Variants in PPT2 observed in about 807,000 individuals in gnomAD.
PPT2 encodes the protein lysosomal thioesterase PPT2.
PPT2 carries 20 observed loss-of-function variants against 37.3 expected under a neutral mutation model. The observed-to-expected ratio is 0.54, with a 90% confidence interval of 0.38 to 0.78. The LOEUF (loss-of-function observed/expected upper bound fraction) is 0.78. Ranked by LOEUF, PPT2 falls within the 30% of genes least tolerant of loss-of-function variation. The pLI is 0.00. For missense variants in PPT2, 270 were observed against 389.8 expected (o/e 0.69, Z 2.59); for synonymous variants, 135 against 159.1 (o/e 0.85, Z 1.14).
rs1783738344 is a variant in PPT2, at chr6:32,155,632, G to C, written c.338-56G>C. On this transcript the variant is annotated intron_variant, in intron 3 of 8. Transcript: ENST00000324816. The surrounding 1 kb of genome is among the most constrained non-coding windows in gnomAD (Gnocchi z 4.3). ...TGTGTGTGTGTGGTGGGGGTGGGGG[G>C]TGCTGCTGGCTTTGCTGTCCTTAAG... 2 of 1,286,632 alleles carry C rather than the reference G, an allele frequency of 1.6e-6. No homozygotes were observed. Among genetic ancestry groups the C allele is most frequent in the South Asian group, 2.4e-5 (2 of 84,378 alleles). The allele number at this position is 1,286,632 out of a possible 1,614,324, so 79.7% of individuals were successfully genotyped here.
rs1418990745 is a variant in PPT2, at chr6:32,162,429, A to C, written c.711-139A>C. The stretch of plus-strand genomic sequence containing the variant: ...GAGATGGGGTTTCACCATTTTGGTC[A>C]GGCTGGTCTTGAACTCCTGGCCTCA... On this transcript the variant is annotated intron_variant, in intron 7 of 8. Transcript: ENST00000324816. The surrounding 1 kb of genome is among the most constrained non-coding windows in gnomAD (Gnocchi z 5.5). The C allele has an allele frequency of 1.4e-5, 11 of 807,346 alleles. No individual in the cohort carries two copies. Among genetic ancestry groups the C allele is most frequent in the Non-Finnish European group, 2.3e-5 (11 of 485,958 alleles). The allele number at this position is 807,346 out of a possible 1,614,324, so 50.0% of individuals were successfully genotyped here.
At position 32,162,641 on chromosome 6, in the gene PPT2, C is replaced by T; in HGVS notation, c.765+19C>T. The stretch of plus-strand genomic sequence containing the variant: ...GCAACTGGTGAGCCCCCTGGGATTA[C>T]TTCCCCTTCTAGCCGCTGTCCCACC... On this transcript the variant is annotated intron_variant, in intron 8 of 8. Coordinates refer to ENST00000324816, the MANE Select transcript of PPT2 (RefSeq NM_005155.7). This position sits in a 1 kb window ranked among gnomAD's most constrained non-coding sequence, Gnocchi z 5.5. The T allele has an allele frequency of 6.3e-7, 1 of 1,595,630 alleles. No individual in the cohort carries two copies.
chr6:32,162,849 C>G lies in PPT2; in HGVS notation c.808C>G (p.Arg270Gly), dbSNP rs761789089. 6.2e-7 allele frequency: 1 copy of G among 1,614,026 alleles called. No homozygotes were observed. Among genetic ancestry groups the G allele is most frequent in the Non-Finnish European group, 8.5e-7 (1 of 1,179,926 alleles). The change falls in exon 9 of 9, where the codon CGG (arginine) becomes GGG (glycine). Residue 270 changes from arginine (R) to glycine (G), a missense_variant. Transcript: ENST00000324816. The surrounding 1 kb of genome is among the most constrained non-coding windows in gnomAD (Gnocchi z 5.5). ...DSFGLKTLLA[R>G]GAIVRCPMAG... Reference sequence around the variant, plus strand: ...TTTTGGGTTGAAGACTCTATTGGCCCGGGGGGCCATAGTGAGGTGTCCAAT... The same window carrying G: ...TTTTGGGTTGAAGACTCTATTGGCCGGGGGGGCCATAGTGAGGTGTCCAAT...
chr6:32,157,768 T>C (rs1229081653), intron 6 of PPT2, 48 bp downstream of exon 6: 1 of 1,563,352 alleles, frequency 6.4e-7, no homozygotes, highest in African/African-American at 1.4e-5. Context: ...CTTCTTTGAC[T>C]CCCTATGTCT....
In PPT2 at chr6:32,154,855, C is replaced by T. The variant is rs1783643154; in HGVS notation, c.183+78C>T. On this transcript the variant is annotated intron_variant, in intron 2 of 8. Coordinates refer to ENST00000324816, the MANE Select transcript of PPT2 (RefSeq NM_005155.7). The surrounding 1 kb of genome is among the most constrained non-coding windows in gnomAD (Gnocchi z 7.3). ...GGGAGGGAGAGCGGGGAACTGAAAG[C>T]CACCCCTCTGGGCCTGCCCAGTTCC... The T allele has an allele frequency of 6.5e-7, 1 of 1,544,128 alleles. No homozygotes were observed. Among genetic ancestry groups the T allele is most frequent in the South Asian group, 1.2e-5 (1 of 83,604 alleles).
Position 32,155,918 on chromosome 6 carries a change from C to A in PPT2, c.481C>A (p.Leu161Ile). ...GTTCCCCACCTCCATGCGGTCTAAC[C>A]TCTATCGGATCTGCTATAGCCCCTG... The part of the protein sequence containing the change: ...WLFPTSMRSN[L>I]YRICYSPWGQ... Residue 161 changes from leucine (L) to isoleucine (I), a missense_variant, in exon 5 of 9, where the codon CTC (leucine) becomes ATC (isoleucine). Transcript: ENST00000324816. This position sits in a 1 kb window ranked among gnomAD's most constrained non-coding sequence, Gnocchi z 4.3. 6.2e-7 allele frequency: 1 copy of A among 1,614,102 alleles called. No individual in the cohort carries two copies. Among genetic ancestry groups the A allele is most frequent in the Non-Finnish European group, 8.5e-7 (1 of 1,180,030 alleles).
chr6:32,155,111 G>A lies in PPT2; in HGVS notation c.265G>A (p.Gly89Arg). The change falls in exon 3 of 9, where the codon GGG becomes AGG. Residue 89 changes from glycine to arginine, a missense_variant. Gly to Arg is a moderately radical substitution (Grantham distance 125). Transcript: ENST00000324816. The surrounding 1 kb of genome is among the most constrained non-coding windows in gnomAD (Gnocchi z 4.3). ...SLRPLWEQVQ[G>R]FREAVVPIMA... ...GCGACCCCTGTGGGAACAGGTGCAA[G>A]GGTTCCGAGAGGCTGTGGTCCCCAT... 6.2e-7 allele frequency: 1 copy of A among 1,613,132 alleles called. No individual in the cohort carries two copies. The highest frequency in any genetic ancestry group is 8.5e-7 in the Non-Finnish European group (1 of 1,180,002).
Position 32,156,888 on chromosome 6 carries a change from G to A in PPT2, c.542-749G>A, listed in dbSNP as rs1287825303. ...CTCATATAGTAGATACTAGATAGAA[G>A]TACTTGCTATTGCCAGGTGTGGTGG... On this transcript the variant is annotated intron_variant, in intron 5 of 8. Coordinates refer to ENST00000324816, the MANE Select transcript of PPT2 (RefSeq NM_005155.7). The surrounding 1 kb of genome is among the most constrained non-coding windows in gnomAD (Gnocchi z 4.9). 6.6e-6 allele frequency among the ~76,000 whole-genome samples: 1 copy of A among 151,932 alleles called. No individual in the cohort carries two copies. Among genetic ancestry groups the A allele is most frequent in the African/African-American group, 2.4e-5 (1 of 41,332 alleles).
At chr6:32,153,614 C>T (rs1783498408), upstream of PPT2, 1 of 1,602,662 alleles carries the variant, frequency 6.2e-7, no homozygotes, top group African/African-American at 1.3e-5. The surrounding 1 kb of genome is among the most constrained non-coding windows in gnomAD (Gnocchi z 4.4). Context: ...AAGGGCACTA[C>T]ACGCACTTCA....
In PPT2 at chr6:32,157,733, G is replaced by T; in HGVS notation, c.625+13G>T. Reference sequence around the variant, plus strand: ...CCCAATGCCACAGGTGAGAATTCAGGCTCCTACCTGTGTTGCTTTTTCTGC... The same window carrying T: ...CCCAATGCCACAGGTGAGAATTCAGTCTCCTACCTGTGTTGCTTTTTCTGC... On this transcript the variant is annotated intron_variant, in intron 6 of 8. Transcript: ENST00000324816. 6.3e-7 allele frequency: 1 copy of T among 1,577,492 alleles called. No homozygotes were observed. The highest frequency in any genetic ancestry group is 1.3e-5 in the African/African-American group (1 of 74,152).
chr6:32,154,054 G>A (rs920287625), upstream of PPT2: 3 of 1,119,016 alleles, frequency 2.7e-6, no homozygotes, highest in African/African-American at 3.3e-5. The surrounding 1 kb of genome is among the most constrained non-coding windows in gnomAD (Gnocchi z 7.3). Context: ...TCTGTGTTGC[G>A]GGGAACGCTC....
rs764037888 is a variant in PPT2, at chr6:32,154,869, C to A, written c.183+92C>A. On this transcript the variant is annotated intron_variant, in intron 2 of 8. Transcript: ENST00000324816. This position sits in a 1 kb window ranked among gnomAD's most constrained non-coding sequence, Gnocchi z 7.3. ...GGAACTGAAAGCCACCCCTCTGGGCCTGCCCAGTTCCTCAGGGAGCTGGTG... is the reference window on the plus strand; with the variant it reads ...GGAACTGAAAGCCACCCCTCTGGGCATGCCCAGTTCCTCAGGGAGCTGGTG... 1 of 1,529,830 alleles carries A rather than the reference C, an allele frequency of 6.5e-7. No homozygotes were observed. The highest frequency in any genetic ancestry group is 8.9e-7 in the Non-Finnish European group (1 of 1,126,156). The allele number at this position is 1,529,830 out of a possible 1,614,324, so 94.8% of individuals were successfully genotyped here.
At chr6:32,153,720 G>A, upstream of PPT2, 1 of 1,474,254 alleles carries the variant, frequency 6.8e-7, no homozygotes, top group Non-Finnish European at 9.2e-7. The surrounding 1 kb of genome is among the most constrained non-coding windows in gnomAD (Gnocchi z 4.4). Flanking sequence ...AGCCCTCCAG[G>A]CCACCCTGCC....
At chr6:32,157,995 G>A in intron 7 of PPT2, 71 bp downstream of exon 7, 1 of 1,283,178 alleles carries the variant, frequency 7.8e-7, no homozygotes, top group South Asian at 1.3e-5. Context: ...TTTATCTCAT[G>A]CCTAAACTGG....
At position 32,155,326 on chromosome 6, in the gene PPT2, C is replaced by T. The variant is rs1333161602; in HGVS notation, c.337+143C>T. 6 of 979,658 alleles carry T rather than the reference C, an allele frequency of 6.1e-6. No homozygotes were observed. The highest frequency in any genetic ancestry group is 9.0e-6 in the Non-Finnish European group (6 of 663,852). The allele number at this position is 979,658 out of a possible 1,614,324, so 60.7% of individuals were successfully genotyped here. ...CCTGAGCCCTTCCTTTCTGACTTCCCTCAGCACCTGGGTCTCATCTCTGTC... is the reference window on the plus strand; with the variant it reads ...CCTGAGCCCTTCCTTTCTGACTTCCTTCAGCACCTGGGTCTCATCTCTGTC... On this transcript the variant is annotated intron_variant, in intron 3 of 8. Coordinates refer to ENST00000324816, the MANE Select transcript of PPT2 (RefSeq NM_005155.7). The surrounding 1 kb of genome is among the most constrained non-coding windows in gnomAD (Gnocchi z 4.3).
chr6:32,153,915 C>T, upstream of PPT2: 1 of 1,350,036 alleles, frequency 7.4e-7, no homozygotes. This position sits in a 1 kb window ranked among gnomAD's most constrained non-coding sequence, Gnocchi z 4.4. Context: ...CTGGAGAGGC[C>T]TTCTTTCCAT....
At position 32,154,776 on chromosome 6, in the gene PPT2, A is replaced by G. The variant is rs1338604698; in HGVS notation, c.182A>G (p.Glu61Gly). 1.2e-6 allele frequency: 2 copies of G among 1,610,554 alleles called. No individual in the cohort carries two copies. The highest frequency in any genetic ancestry group is 2.2e-5 in the South Asian group (2 of 91,040). The change falls in exon 2 of 9, where the codon GAG becomes GGG. Residue 61 changes from glutamate (E) to glycine (G), a missense_variant and splice_region_variant. Transcript: ENST00000324816. This position sits in a 1 kb window ranked among gnomAD's most constrained non-coding sequence, Gnocchi z 7.3. ...CGCCACCTGCTGGAATACATCAATG[A>G]GGTCTGGCAGGGGACACCTGGGTGC... ...SFRHLLEYIN[E>G]THPGTVVTVL...
intron 5 of PPT2, chr6:32,157,264 A>G: frequency 3.5e-6 from 1 of 285,300 alleles, no homozygotes; most frequent in Non-Finnish European, 6.7e-6. Flanking sequence ...TGTGTCTCCC[A>G]GGATGGAGTG....
At chr6:32,153,537 C>T (rs1783490970), upstream of PPT2, 5 of 1,469,352 alleles carry the variant, frequency 3.4e-6, no homozygotes, top group Non-Finnish European at 3.7e-6. The surrounding 1 kb of genome is among the most constrained non-coding windows in gnomAD (Gnocchi z 4.4). Flanking sequence ...TAGAGTAGGG[C>T]AGGAGAAACT....
Sources: allele counts gnomAD v4.1 joint callset (sites outside exome capture counted in the v4.1 genomes callset), GRCh38; gene constraint gnomAD v4.1.1; non-coding constraint Gnocchi (gnomAD v3.1); transcripts MANE v1.5; gene names NCBI Gene and HGNC (gene_info 2026-07-23, HGNC 2026-07-21).